Variants in DCTD observed in about 807,000 individuals in gnomAD.
DCTD encodes deoxycytidylate deaminase.
In DCTD, 23 loss-of-function variants were observed where a neutral mutation model predicts 21.0. The ratio of observed to expected loss-of-function variants is 1.09; its 90% confidence interval spans 0.79 to 1.55. The LOEUF is 1.55. Ranked by LOEUF, DCTD falls within the 40% of genes most tolerant of loss-of-function variation. The probability of loss-of-function intolerance (pLI) is 0.00; values close to 1 mark genes in which losing one functional copy is unlikely to be tolerated. For missense variants in DCTD, 224 were observed against 230.0 expected (o/e 0.97, Z 0.17); for synonymous variants, 71 against 81.1 (o/e 0.88, Z 0.67).
chr4:182,915,197 C>G, intron 2 of DCTD, 139 bp from the exon 3 acceptor site: 1 of 1,161,122 alleles, frequency 8.6e-7, no homozygotes, highest in Non-Finnish European at 1.2e-6. Flanking sequence ...TGTCGGTCTC[C>G]TTGCCTGGTT....
chr4:182,894,486 T>G lies in DCTD; in HGVS notation c.361+3A>C. On this transcript the variant is annotated splice_donor_region_variant and intron_variant, in intron 4 of 5. Coordinates refer to ENST00000438320, the MANE Select transcript of DCTD (RefSeq NM_001921.3). The stretch of plus-strand genomic sequence containing the variant: ...GTGACAAATGGAAAGACCCGGTTCC[T>G]ACCTGCCTGGATGATGAGCTTAGCG... The G allele has an allele frequency of 1.9e-6, 3 of 1,589,466 alleles. No individual in the cohort carries two copies. Among genetic ancestry groups the G allele is most frequent in the Non-Finnish European group, 1.7e-6 (2 of 1,157,606 alleles).
At chr4:182,902,923 T>A (rs1367345688) in intron 3 of DCTD, among the ~76,000 whole-genome samples, 1 of 152,240 alleles carries the variant, frequency 6.6e-6, no homozygotes. Context: ...CAAGGGGAAC[T>A]GAATCTTCAA....
intron 1 of DCTD, among the ~76,000 whole-genome samples, chr4:182,916,082 T>C (rs1274188265): frequency 2.0e-5 from 3 of 152,094 alleles, no homozygotes; most frequent in Non-Finnish European, 4.4e-5. Flanking sequence ...CACACAGGAT[T>C]ATCATCCATG....
chr4:182,891,816 A>C (rs1733803921), intron 5 of DCTD, among the ~76,000 whole-genome samples: 1 of 152,218 alleles, frequency 6.6e-6, no homozygotes, highest in South Asian at 2.1e-4. Context: ...TTTCTAGAAA[A>C]ATTTCTGCAG....
At chr4:182,902,411 C>A (rs1735900309) in intron 3 of DCTD, among the ~76,000 whole-genome samples, 2 of 152,168 alleles carry the variant, frequency 1.3e-5, no homozygotes, top group African/African-American at 2.4e-5. Flanking sequence ...AAAGGTGGAA[C>A]TGGGGAAGGG....
chr4:182,911,345 T>G (rs1049619262), intron 3 of DCTD: 1 of 152,146 alleles, frequency 6.6e-6, no homozygotes, highest in East Asian at 1.9e-4. Context: ...ACATGTGAAT[T>G]TGGGGGGAGA....
chr4:182,914,865 A>T, intron 3 of DCTD, 58 bp downstream of exon 3: 1 of 1,599,742 alleles, frequency 6.3e-7, no homozygotes. Context: ...CAACTTTCTT[A>T]ATTAGGCACT....
chr4:182,893,041 C>T lies in DCTD; in HGVS notation c.448G>A (p.Val150Met), dbSNP rs779256460. The part of the protein sequence containing the change: ...AARLLFNMAG[V>M]TFRKFIPKCS... ...ATTCTCCCCACTTACCGGAATGTCA[C>T]CCCGGCCATATTAAACAGGAGCCTC... Residue 150 changes from valine (V) to methionine (M), a missense_variant, in exon 5 of 6, where the codon GTG becomes ATG. Coordinates refer to ENST00000438320, the MANE Select transcript of DCTD (RefSeq NM_001921.3). 6.8e-5 allele frequency: 110 copies of T among 1,609,268 alleles called. No individual in the cohort carries two copies. The highest frequency in any genetic ancestry group is 8.2e-5 in the Non-Finnish European group (97 of 1,176,264).
chr4:182,899,649 C>T (rs912633962), intron 3 of DCTD, among the ~76,000 whole-genome samples: 13 of 152,164 alleles, frequency 8.5e-5, no homozygotes, highest in Non-Finnish European at 8.8e-5. Context: ...GATCCACCTG[C>T]CTCGGCCTCC....
intron 3 of DCTD, among the ~76,000 whole-genome samples, chr4:182,899,031 T>C (rs35733975): frequency 0.23 from 35,051 of 152,212 alleles, 4,498 homozygotes; most frequent in Non-Finnish European, 0.3. Context: ...TGGGTCACCA[T>C]ATATCTGCCA....
chr4:182,897,122 A>AAT, intron 3 of DCTD, among the ~76,000 whole-genome samples: 1 of 152,318 alleles, frequency 6.6e-6, no homozygotes, highest in East Asian at 1.9e-4. Flanking sequence ...TTAACAGTAT[A>AAT]GGTCTGGATT....
intron 3 of DCTD, among the ~76,000 whole-genome samples, chr4:182,896,456 CAA>C (rs1454941021): frequency 1.3e-5 from 2 of 152,176 alleles, no homozygotes; most frequent in Admixed American, 6.5e-5. Flanking sequence ...GCAGGAAAAT[CAA>C]AAGAGGCAAA....
chr4:182,914,384 T>A (rs187299039), intron 3 of DCTD, among the ~76,000 whole-genome samples: 65 of 152,338 alleles, frequency 4.3e-4, no homozygotes, highest in Middle Eastern at 3.4e-3. Context: ...AGCAACTGGA[T>A]CCTCCATCTC....
rs150650253 is a variant in DCTD at position 182,914,924 on chromosome 4, G to C, written c.243C>G (p.Tyr81Ter). The C allele has an allele frequency of 5.0e-6, 8 of 1,614,178 alleles. No homozygotes were observed. The highest frequency in any genetic ancestry group is 1.1e-5 in the South Asian group (1 of 91,076). ...AENKLDTKYPYVCHAELNAIM... is the reference protein window; with the variant it reads ...AENKLDTKYP ...AATGGGACATAAAACTTGCCCTACC[G>C]TACGGGTATTTGGTGTCCAGCTTAT... Residue 81 changes from tyrosine (Y) to a stop codon, truncating the protein, a stop_gained and splice_region_variant, in exon 3 of 6, where the codon TAC (tyrosine) becomes TAG (stop). Transcript: ENST00000438320. LOFTEE classifies it high-confidence loss of function.
rs1310156678 is a variant in DCTD, at chr4:182,915,134, AG to A, written c.109-77del. 1.9e-5 allele frequency: 30 copies of A among 1,580,394 alleles called. No individual in the cohort carries two copies. In the East Asian group the frequency reaches 6.0e-4, roughly 32 times the overall value. ...CGCTGTGGAAGCAGGGAATAAAACC[AG>A]GGGGACTGCAGAACTCAAAACAGAC... On this transcript the variant is annotated intron_variant, in intron 2 of 5. Transcript: ENST00000438320.
chr4:182,909,401 A>G (rs571779427), intron 3 of DCTD, among the ~76,000 whole-genome samples: 69 of 152,260 alleles, frequency 4.5e-4, no homozygotes, highest in African/African-American at 1.6e-3. Flanking sequence ...TTTCTTTTCT[A>G]TGCAGTTGTT....
chr4:182,893,161 C>A (rs371044291), intron 4 of DCTD, 34 bp from the exon 5 acceptor site: 1 of 1,270,248 alleles, frequency 7.9e-7, no homozygotes, highest in African/African-American at 1.5e-5. Context: ...CCTTAGTGTA[C>A]GCACCTACAG....
chr4:182,915,649 C>T (rs1453575726), intron 1 of DCTD, 74 bp from the exon 2 acceptor site: 3 of 1,015,478 alleles, frequency 3.0e-6, no homozygotes, highest in African/African-American at 1.6e-5. Context: ...TCAACCCAAC[C>T]ACACTGAACC....
intron 3 of DCTD, among the ~76,000 whole-genome samples, chr4:182,909,273 T>C (rs1737267560): frequency 6.6e-6 from 1 of 152,210 alleles, no homozygotes; most frequent in Non-Finnish European, 1.5e-5. Context: ...ATGGAGCTGG[T>C]TGATTTTAGT....
Sources: allele counts gnomAD v4.1 joint callset (sites outside exome capture counted in the v4.1 genomes callset), GRCh38; gene constraint gnomAD v4.1.1; transcripts MANE v1.5; gene names NCBI Gene and HGNC (gene_info 2026-07-23, HGNC 2026-07-21).